The following ACYP2 variants were observed in gnomAD, a reference collection of about 807,000 sequenced individuals.
The protein encoded by ACYP2 is acylphosphatase-2.
ACYP2 carries 12 observed loss-of-function variants against 11.2 expected under a neutral mutation model. The ratio of observed to expected loss-of-function variants is 1.08; its 90% CI spans 0.69 to 1.74. ACYP2 has a LOEUF of 1.74. Ranked by LOEUF, ACYP2 falls within the 40% of genes most tolerant of loss-of-function variation. ACYP2 has a pLI of 0.00. For missense variants in ACYP2, 134 were observed against 101.9 expected (o/e 1.31, Z -1.35); for synonymous variants, 43 against 32.2 (o/e 1.33, Z -1.13).
At chr2:54,040,474 G>A (rs1260128139) in intron 2 of ACYP2, among the ~76,000 whole-genome samples, 2 of 152,082 alleles carry the variant, frequency 1.3e-5, no homozygotes, top group Non-Finnish European at 2.9e-5. Context: ...TGAGACTAGA[G>A]GAGATTGCCA....
intron 6 of ACYP2, among the ~76,000 whole-genome samples, chr2:54,214,834 T>C (rs1178465022): frequency 6.6e-6 from 1 of 152,210 alleles, no homozygotes; most frequent in Non-Finnish European, 1.5e-5. Flanking sequence ...TGCAAATTGC[T>C]TAGGACAGTA....
At chr2:54,103,819 G>A (rs1017823794) in intron 4 of ACYP2, among the ~76,000 whole-genome samples, 1 of 152,226 alleles carries the variant, frequency 6.6e-6, no homozygotes, top group African/African-American at 2.4e-5. Flanking sequence ...AGTACTATGA[G>A]TGATTCATAT....
chr2:54,283,591 G>T (rs1187124314), intron 6 of ACYP2, among the ~76,000 whole-genome samples: 3 of 152,196 alleles, frequency 2.0e-5, no homozygotes, highest in Non-Finnish European at 4.4e-5. Context: ...GTTTTAAACC[G>T]TGACTTCGTA....
intron 4 of ACYP2, 120 bp downstream of exon 1, chr2:54,115,876 G>A (rs1418085738): frequency 4.0e-6 from 5 of 1,249,742 alleles, no homozygotes. Flanking sequence ...CTTCCGCTCC[G>A]CCATGACACA....
chr2:54,255,962 G>T, intron 6 of ACYP2: 1 of 1,614,142 alleles, frequency 6.2e-7, no homozygotes, highest in Non-Finnish European at 8.5e-7. Context: ...CCATCTGCGG[G>T]ATCCTGGGGC....
chr2:54,289,574 T>C (rs1428403976), intron 6 of ACYP2, among the ~76,000 whole-genome samples: 3 of 151,660 alleles, frequency 2.0e-5, no homozygotes, highest in Non-Finnish European at 2.9e-5. Flanking sequence ...AAGGAAAACG[T>C]TTTTTATGAT....
chr2:54,292,363 G>A (rs891465363), intron 6 of ACYP2, among the ~76,000 whole-genome samples: 2 of 151,892 alleles, frequency 1.3e-5, no homozygotes, highest in African/African-American at 4.8e-5. Flanking sequence ...TGTCTTATAG[G>A]TATAAAATAT....
rs1553380135 is a variant in ACYP2 at position 54,143,765 on chromosome 2, G to GGC, written c.404+5018_404+5019insCG. Among the ~76,000 whole-genome samples the GGC allele has an allele frequency of 1.2e-3, 150 of 125,770 alleles. 5 individuals are homozygous for GGC. The highest frequency in any genetic ancestry group is 4.2e-3 in the African/African-American group (136 of 32,364). 82.5% of individuals were successfully genotyped at this position (125,770 alleles called of 152,430 possible). A position where few individuals can be genotyped will look rare whatever the true frequency, so the allele number is the denominator to read the frequency against. ...TTTTTTTTTTTTTTTTTTGGGGGGG[G>GGC]GGTATTCTATCATGTTTTGATTTTA... On this transcript the variant is annotated intron_variant, in intron 6 of 6. Transcript: ENST00000607452.
At chr2:54,137,845 G>T (rs1468133524) in intron 5 of ACYP2, among the ~76,000 whole-genome samples, 1 of 152,128 alleles carries the variant, frequency 6.6e-6, no homozygotes, top group African/African-American at 2.4e-5. Flanking sequence ...TTAGCTCTTT[G>T]AGGAATTGCC....
intron 2 of ACYP2, among the ~76,000 whole-genome samples, chr2:54,038,673 C>CTGTATATA (rs1675041266): frequency 9.4e-6 from 1 of 106,102 alleles, no homozygotes; most frequent in South Asian, 2.8e-4. Context: ...TTATTGAATA[C>CTGTATATA]TATATATATA....
Position 54,051,794 on chromosome 2 carries a change from C to T in ACYP2, c.155+744C>T, listed in dbSNP as rs550060022. ...GCTCAGTGGCTCACACCTGTAATCC[C>T]GGCACTTTGGGAGGCCGAGGCAGGA... On this transcript the variant is annotated intron_variant, in intron 3 of 6. Transcript: ENST00000607452. 2.7e-4 allele frequency: 113 copies of T among 416,272 alleles called. 3 individuals carry two copies. Among genetic ancestry groups the T allele is most frequent in the South Asian group, 2.4e-3 (101 of 42,076 alleles). 25.8% of individuals were successfully genotyped at this position (416,272 alleles called of 1,614,324 possible). A position where few individuals can be genotyped will look rare whatever the true frequency, so the allele number is the denominator to read the frequency against.
chr2:54,270,272 A>G (rs1024971393), intron 6 of ACYP2, among the ~76,000 whole-genome samples: 2 of 152,198 alleles, frequency 1.3e-5, no homozygotes, highest in Non-Finnish European at 2.9e-5. Context: ...AAGCTTTTCA[A>G]AAATGCTGTC....
At position 54,115,905 on chromosome 2, in the gene ACYP2, G is replaced by GGGGGGGGT. The variant is rs1447852707; in HGVS notation, c.278-19548_278-19547insGGGGGGGT. 7.1e-5 allele frequency: 75 copies of GGGGGGGGT among 1,049,168 alleles called. 1 individual carries two copies. In the African/African-American group the frequency reaches 1.2e-3, roughly 17 times the overall value. The allele number at this position is 1,049,168 out of a possible 1,614,324, so 65.0% of individuals were successfully genotyped here. A position where few individuals can be genotyped will look rare whatever the true frequency, so the allele number is the denominator to read the frequency against. On this transcript the variant is annotated intron_variant, in intron 4 of 6. Transcript: ENST00000607452. Reference sequence around the variant, plus strand: ...TGACACAGCAGCGGCGGCGGGGAGGGAGGCGAAACGCGCATGCGCCCGAGG... The same window carrying GGGGGGGGT: ...TGACACAGCAGCGGCGGCGGGGAGGGGGGGGGGTAGGCGAAACGCGCATGCGCCCGAGG...
chr2:54,134,304 A>G (rs946740210), intron 4 of ACYP2, among the ~76,000 whole-genome samples: 6 of 151,982 alleles, frequency 3.9e-5, no homozygotes, highest in Admixed American at 3.9e-4. Context: ...AAATAAATAA[A>G]TAAGTAAGTA....
At chr2:54,164,092 TGG>T (rs1682846867) in intron 6 of ACYP2, among the ~76,000 whole-genome samples, 1 of 152,176 alleles carries the variant, frequency 6.6e-6, no homozygotes, top group Non-Finnish European at 1.5e-5. Flanking sequence ...GGATAGCTAA[TGG>T]CTGGTAAGGC....
chr2:54,236,838 A>T lies in ACYP2; in HGVS notation c.405-67850A>T, dbSNP rs1686502093. Reference sequence around the variant, plus strand: ...GTTGTTTAATATATAATTTTGAGCTATGTTACTAGGTGAATTAAAATGTAG... The same window carrying T: ...GTTGTTTAATATATAATTTTGAGCTTTGTTACTAGGTGAATTAAAATGTAG... On this transcript the variant is annotated intron_variant, in intron 6 of 6. Coordinates refer to ENST00000607452, the MANE Select transcript of ACYP2 (RefSeq NM_001320586.2). Among the ~76,000 whole-genome samples the T allele has an allele frequency of 2.0e-5, 3 of 152,138 alleles. No individual in the cohort carries two copies. In the South Asian group the frequency reaches 6.2e-4, roughly 32 times the overall value.
At chr2:53,987,236 T>C (rs1259165418) in intron 2 of ACYP2, among the ~76,000 whole-genome samples, 1 of 152,202 alleles carries the variant, frequency 6.6e-6, no homozygotes, top group African/African-American at 2.4e-5. Context: ...TTATGTCCTG[T>C]TTCTCCATCT....
At chr2:54,282,410 T>A (rs542546789) in intron 6 of ACYP2, among the ~76,000 whole-genome samples, 6 of 152,190 alleles carry the variant, frequency 3.9e-5, no homozygotes, top group Admixed American at 3.9e-4. Flanking sequence ...ACATTTTGCT[T>A]TACTCTGCCC....
At chr2:54,299,968 T>C (rs971936495) in intron 6 of ACYP2, among the ~76,000 whole-genome samples, 1 of 152,210 alleles carries the variant, frequency 6.6e-6, no homozygotes, top group Non-Finnish European at 1.5e-5. Context: ...TTATTACACC[T>C]TTTCACTTTA....
Sources: gnomAD v4.1 joint callset for allele counts (sites outside exome capture counted in the v4.1 genomes callset) on GRCh38, gnomAD v4.1.1 for gene constraint, MANE v1.5 for transcripts, NCBI Gene and HGNC (gene_info 2026-07-23, HGNC 2026-07-21) for gene names.